VRK1: variants seen among roughly 807,000 people sequenced by gnomAD.
VRK1 encodes the protein serine/threonine-protein kinase VRK1.
A neutral mutation model predicts 57.1 loss-of-function variants in VRK1; 33 were observed. The ratio of observed to expected loss-of-function variants is 0.58; its 90% CI spans 0.44 to 0.77. The LOEUF is 0.77. Ranked by LOEUF, VRK1 falls within the 30% of genes least tolerant of loss-of-function variation. VRK1 has a pLI of 0.00. For missense variants in VRK1, 413 were observed against 477.3 expected, an observed-to-expected ratio of 0.87 and a Z score of 1.25; for synonymous variants, 137 against 147.8, an observed-to-expected ratio of 0.93 and a Z score of 0.53.
Position 96,841,834 on chromosome 14 carries a change from CA to C in VRK1, c.216+4031del, listed in dbSNP as rs397933004. The stretch of plus-strand genomic sequence containing the variant: ...TGGGCTACAGAGTGAGACTCTATCT[CA>C]AAAAAAAAAAAAATACCAAAAATAA... On this transcript the variant is annotated intron_variant, in intron 3 of 12. Transcript: ENST00000216639. 6.9e-3 allele frequency among the ~76,000 whole-genome samples: 937 copies of C among 135,900 alleles called. 3 individuals carry two copies. The highest frequency in any genetic ancestry group is 0.015 in the Middle Eastern group (4 of 264). The allele number at this position is 135,900 out of a possible 152,430, so 89.2% of individuals were successfully genotyped here.
At chr14:96,847,210 A>T (rs747086386) in intron 4 of VRK1, 47 bp from the exon 5 acceptor site, 2 of 1,508,816 alleles carry the variant, frequency 1.3e-6, no homozygotes, top group East Asian at 4.6e-5. Context: ...AAAAATTATC[A>T]TTTATGTATA....
At chr14:96,847,142 G>C in intron 4 of VRK1, 115 bp from the exon 5 acceptor site, 1 of 756,190 alleles carries the variant, frequency 1.3e-6, no homozygotes, top group Non-Finnish European at 2.2e-6. Context: ...TCTTTTTTAT[G>C]AATACAGGTG....
At chr14:96,830,441 T>TA (rs1362195458) in intron 1 of VRK1, among the ~76,000 whole-genome samples, 1 of 152,150 alleles carries the variant, frequency 6.6e-6, no homozygotes, top group African/African-American at 2.4e-5. Context: ...TATTTACTCT[T>TA]ATGTTCCTTC....
At chr14:96,813,793 A>G (rs1886294343) in intron 1 of VRK1, among the ~76,000 whole-genome samples, 1 of 152,174 alleles carries the variant, frequency 6.6e-6, no homozygotes, top group South Asian at 2.1e-4. Context: ...CACATGATTT[A>G]TTCTGCAGTA....
In VRK1 at chr14:96,856,542, T is replaced by C. The variant is rs371024271; in HGVS notation, c.845T>C (p.Ile282Thr). The C allele has an allele frequency of 1.6e-5, 26 of 1,613,514 alleles. No individual in the cohort carries two copies. The African/African-American group carries it at 2.9e-4, about 18-fold the overall frequency. Reference protein sequence around the residue: ...RDSKIRYRENIASLMDKCFPE... With the variant: ...RDSKIRYRENTASLMDKCFPE... ...ATTTTTAACAGATACAGAGAAAATA[T>C]TGCAAGTTTGATGGACAAATGTTTT... is the stretch of plus-strand genomic sequence containing the variant. The change falls in exon 10 of 13, where the codon ATT becomes ACT. Residue 282 changes from isoleucine to threonine, a missense_variant. Coordinates refer to ENST00000216639, the MANE Select transcript of VRK1 (RefSeq NM_003384.3).
chr14:96,860,408 C>A, intron 10 of VRK1, 149 bp from the exon 11 acceptor site: 1 of 706,094 alleles, frequency 1.4e-6, no homozygotes, highest in African/African-American at 1.8e-5. Flanking sequence ...AGTTCAAAAG[C>A]ATACTTTTCA....
chr14:96,847,505 T>C (rs1243443231), intron 5 of VRK1, among the ~76,000 whole-genome samples, 161 bp downstream of exon 5: 2 of 152,210 alleles, frequency 1.3e-5, no homozygotes, highest in Non-Finnish European at 2.9e-5. Flanking sequence ...GTTATCTCTG[T>C]CCTCTGCTTT....
chr14:96,831,463 C>A (rs1419949223), intron 1 of VRK1, among the ~76,000 whole-genome samples: 1 of 152,146 alleles, frequency 6.6e-6, no homozygotes, highest in Non-Finnish European at 1.5e-5. Context: ...TTCTGTGGGA[C>A]TATTTTTAGG....
chr14:96,801,850 G>A (rs112201804), intron 1 of VRK1, among the ~76,000 whole-genome samples: 2,181 of 152,268 alleles, frequency 0.014, 57 homozygotes, highest in African/African-American at 0.049. Flanking sequence ...TTGTCTTGGT[G>A]TTGAGTAGGC....
chr14:96,843,610 G>T (rs2139773723), intron 3 of VRK1, among the ~76,000 whole-genome samples: 1 of 151,988 alleles, frequency 6.6e-6, no homozygotes, highest in African/African-American at 2.4e-5. Context: ...TCTTCATTTT[G>T]ACACTTAGAA....
intron 1 of VRK1, among the ~76,000 whole-genome samples, chr14:96,809,120 C>T (rs2139690687): frequency 6.6e-6 from 1 of 151,962 alleles, no homozygotes; most frequent in East Asian, 1.9e-4. Flanking sequence ...ATACTATTGA[C>T]CAAACCTACA....
intron 3 of VRK1, among the ~76,000 whole-genome samples, chr14:96,845,742 T>C (rs1266001005): frequency 6.6e-6 from 1 of 152,236 alleles, no homozygotes; most frequent in Non-Finnish European, 1.5e-5. Flanking sequence ...AAATATCTTA[T>C]AGCCCCTTGG....
chr14:96,880,265 A>G (rs1309996140), intron 12 of VRK1, among the ~76,000 whole-genome samples: 1 of 152,320 alleles, frequency 6.6e-6, no homozygotes, highest in East Asian at 1.9e-4. Context: ...ATTTTGTTCC[A>G]CATTCAAAGA....
In VRK1 at chr14:96,881,481, A is replaced by G; in HGVS notation, c.*273A>G. On this transcript the variant is annotated 3_prime_UTR_variant, in exon 13 of 13. Coordinates refer to ENST00000216639, the MANE Select transcript of VRK1 (RefSeq NM_003384.3). ...TGTTTTGGAGTACATATATATGAAA[A>G]TTATTATGACACGCACTTTTCTAAT... is the stretch of plus-strand genomic sequence containing the variant. The G allele has an allele frequency of 3.0e-6, 1 of 334,450 alleles. No individual in the cohort carries two copies. Among genetic ancestry groups the G allele is most frequent in the African/African-American group, 2.1e-5 (1 of 47,122 alleles). 20.7% of individuals were successfully genotyped at this position (334,450 alleles called of 1,614,324 possible). A position where few individuals can be genotyped will look rare whatever the true frequency, so the allele number is the denominator to read the frequency against.
intron 2 of VRK1, among the ~76,000 whole-genome samples, chr14:96,836,126 A>C (rs1385587263): frequency 5.9e-5 from 9 of 152,144 alleles, no homozygotes; most frequent in African/African-American, 1.7e-4. Flanking sequence ...ATGCTTTAAA[A>C]ATTTTTTTAA....
chr14:96,816,835 T>A (rs1455770680), intron 1 of VRK1, among the ~76,000 whole-genome samples: 1 of 152,228 alleles, frequency 6.6e-6, no homozygotes, highest in East Asian at 1.9e-4. Context: ...GCCACGTGCA[T>A]TGACTAGTAT....
chr14:96,839,669 CT>C (rs936789126), intron 3 of VRK1, among the ~76,000 whole-genome samples: 24 of 152,236 alleles, frequency 1.6e-4, no homozygotes, highest in Middle Eastern at 6.8e-3. Context: ...CTCTTCCATT[CT>C]TTTTGCCCCT....
At chr14:96,837,016 T>G (rs1443006598) in intron 2 of VRK1, among the ~76,000 whole-genome samples, 1 of 152,190 alleles carries the variant, frequency 6.6e-6, no homozygotes, top group East Asian at 1.9e-4. Flanking sequence ...CTTCACACTG[T>G]CAAATGTACT....
At chr14:96,868,632 G>C (rs1313431490) in intron 11 of VRK1, among the ~76,000 whole-genome samples, 1 of 152,120 alleles carries the variant, frequency 6.6e-6, no homozygotes, top group African/African-American at 2.4e-5. Flanking sequence ...TGATACAGAA[G>C]GAAATTTGGT....
Sources: gnomAD v4.1 joint callset for allele counts (sites outside exome capture counted in the v4.1 genomes callset) on GRCh38, gnomAD v4.1.1 for gene constraint, MANE v1.5 for transcripts, NCBI Gene and HGNC (gene_info 2026-07-23, HGNC 2026-07-21) for gene names.